The following PDE1C variants were observed in gnomAD, a reference collection of about 807,000 sequenced individuals.
PDE1C encodes the protein dual specificity calcium/calmodulin-dependent 3',5'-cyclic nucleotide phosphodiesterase 1C.
A neutral mutation model predicts 93.1 loss-of-function variants in PDE1C; 62 were observed. That is an observed-to-expected ratio of 0.67 (90% CI 0.54 to 0.82). The LOEUF is 0.82. PDE1C is among the 40% of genes least tolerant of loss of function. The pLI is 0.00. For synonymous variants in PDE1C, 325 were observed against 310.1 expected (o/e 1.05, Z -0.50); for missense variants, 742 against 884.6 (o/e 0.84, Z 2.04).
At chr7:32,079,381 G>C (rs1796531169) in intron 3 of PDE1C, among the ~76,000 whole-genome samples, 1 of 152,230 alleles carries the variant, frequency 6.6e-6, no homozygotes, top group Non-Finnish European at 1.5e-5. Context: ...GTGCAGTGCA[G>C]AGAACAAAAG....
At chr7:32,089,335 T>C (rs1446038790) in intron 3 of PDE1C, among the ~76,000 whole-genome samples, 1 of 152,172 alleles carries the variant, frequency 6.6e-6, no homozygotes, top group Non-Finnish European at 1.5e-5. Context: ...AACTAAAGCC[T>C]GTCATTGACC....
chr7:32,240,390 C>T (rs1808457261), intron 1 of PDE1C, among the ~76,000 whole-genome samples: 1 of 152,032 alleles, frequency 6.6e-6, no homozygotes, highest in Admixed American at 6.6e-5. Context: ...ATGGTAAGTC[C>T]CAGATTTTGC....
chr7:31,848,680 A>G (rs918299755), intron 8 of PDE1C, among the ~76,000 whole-genome samples: 9 of 152,224 alleles, frequency 5.9e-5, no homozygotes, highest in Non-Finnish European at 1.3e-4. Context: ...ATGTCACTAA[A>G]CACACGACTG....
At chr7:32,154,381 G>C (rs1801443133) in intron 3 of PDE1C, among the ~76,000 whole-genome samples, 2 of 152,096 alleles carry the variant, frequency 1.3e-5, no homozygotes, top group South Asian at 4.2e-4. Context: ...CACACAAGAA[G>C]CTGCAAAAAT....
the PDE1C span, among the ~76,000 whole-genome samples, chr7:31,727,479 C>T: frequency 3.3e-5 from 5 of 152,264 alleles, no homozygotes; most frequent in South Asian, 4.2e-4. Context: ...GTGACATGCA[C>T]CTTCTTACAT....
At chr7:31,819,337 C>T (rs1788666126) in intron 14 of PDE1C, among the ~76,000 whole-genome samples, 1 of 152,056 alleles carries the variant, frequency 6.6e-6, no homozygotes. Context: ...TAACTGCAAT[C>T]AGATTCCTTT....
intron 17 of PDE1C, among the ~76,000 whole-genome samples, 187 bp from the exon 18 acceptor site, chr7:31,753,740 C>T (rs1382393038): frequency 1.3e-5 from 2 of 152,122 alleles, no homozygotes; most frequent in East Asian, 3.9e-4. Context: ...CTTGGTCATT[C>T]AGTTAAAATA....
chr7:32,307,610 T>C (rs1813042486), intron 1 of PDE1C, among the ~76,000 whole-genome samples: 1 of 95,520 alleles, frequency 1.0e-5, no homozygotes, highest in Non-Finnish European at 2.4e-5. Flanking sequence ...GGTTAAACCC[T>C]GCTGCATGCC....
intron 3 of PDE1C, among the ~76,000 whole-genome samples, chr7:32,090,048 C>T (rs1303225780): frequency 6.6e-6 from 1 of 151,888 alleles, no homozygotes; most frequent in African/African-American, 2.4e-5. Flanking sequence ...GCAACAGATG[C>T]AAGAAATCAA....
chr7:31,739,050 A>C, the PDE1C span, among the ~76,000 whole-genome samples: 7 of 129,676 alleles, frequency 5.4e-5, no homozygotes, highest in Non-Finnish European at 1.1e-4. Context: ...CTACACCCCT[A>C]TAAATGCCCC....
intron 16 of PDE1C, among the ~76,000 whole-genome samples, chr7:31,792,056 C>T (rs561285159): frequency 6.6e-6 from 1 of 152,138 alleles, no homozygotes; most frequent in East Asian, 1.9e-4. Flanking sequence ...TCATTAAATA[C>T]CACCAGCAGT....
chr7:31,829,109 T>C (rs1464386533), intron 11 of PDE1C, among the ~76,000 whole-genome samples: 1 of 152,144 alleles, frequency 6.6e-6, no homozygotes, highest in African/African-American at 2.4e-5. Flanking sequence ...AAAAATAATA[T>C]GTCACCCTTC....
At chr7:32,191,817 C>T (rs1804256702) in intron 2 of PDE1C, among the ~76,000 whole-genome samples, 1 of 152,202 alleles carries the variant, frequency 6.6e-6, no homozygotes, top group Non-Finnish European at 1.5e-5. Context: ...ATGGCTGTAT[C>T]ACCAACCATG....
the PDE1C span, among the ~76,000 whole-genome samples, chr7:31,622,669 T>C: frequency 2.0e-5 from 3 of 151,886 alleles, no homozygotes; most frequent in African/African-American, 7.2e-5. Flanking sequence ...AGATCCAAAA[T>C]TGACACCCTA....
At chr7:32,268,783 T>C (rs899810853) in intron 1 of PDE1C, among the ~76,000 whole-genome samples, 1 of 152,200 alleles carries the variant, frequency 6.6e-6, no homozygotes, top group African/African-American at 2.4e-5. Context: ...CTCTTTTCAC[T>C]AGCTAATAGC....
the PDE1C span, among the ~76,000 whole-genome samples, chr7:31,617,190 AGATCCTATTATT>A: frequency 6.6e-6 from 1 of 152,212 alleles, no homozygotes; most frequent in Admixed American, 6.5e-5. Context: ...GGAGAAGGGA[AGATCCTATTATT>A]TCTTCTATAA....
At chr7:32,152,555 A>G (rs1408714642) in intron 3 of PDE1C, among the ~76,000 whole-genome samples, 1 of 152,220 alleles carries the variant, frequency 6.6e-6, no homozygotes, top group African/African-American at 2.4e-5. Context: ...CCCCATGAAA[A>G]GGGCTACTCA....
chr7:31,636,795 G>T, the PDE1C span, among the ~76,000 whole-genome samples: 10 of 151,040 alleles, frequency 6.6e-5, no homozygotes, highest in Admixed American at 6.6e-5. Context: ...TGTTACATAT[G>T]TATACATGTG....
the PDE1C span, chr7:31,644,062 T>C: frequency 3.0e-6 from 3 of 991,438 alleles, no homozygotes; most frequent in Non-Finnish European, 2.9e-6. Context: ...GGCAAACTTT[T>C]CTATTTTAAA....
Sources: gnomAD v4.1 joint callset for allele counts (sites outside exome capture counted in the v4.1 genomes callset) on GRCh38, gnomAD v4.1.1 for gene constraint, MANE v1.5 for transcripts, NCBI Gene and HGNC (gene_info 2026-07-23, HGNC 2026-07-21) for gene names.